SLC15A5: variants seen among roughly 807,000 people sequenced by gnomAD.
SLC15A5 encodes Peptide/histidine transporter ENSP00000340402.
SLC15A5 carries 58 observed loss-of-function variants against 56.1 expected under a neutral mutation model. The observed-to-expected ratio is 1.03, with a 90% confidence interval of 0.84 to 1.29. The LOEUF is 1.29. Ranked by LOEUF, SLC15A5 falls within the 50% of genes most tolerant of loss-of-function variation. The pLI is 0.00. For synonymous variants in SLC15A5, 264 were observed against 250.5 expected, an observed-to-expected ratio of 1.05 and a Z score of -0.51; for missense variants, 681 against 672.1, an observed-to-expected ratio of 1.01 and a Z score of -0.15.
intron 1 of SLC15A5, among the ~76,000 whole-genome samples, chr12:16,275,005 AG>A (rs1864801343): frequency 1.3e-5 from 2 of 152,078 alleles, no homozygotes; most frequent in South Asian, 4.1e-4. Context: ...GTAGCTCTGT[AG>A]AAGCACCATG....
intron 3 of SLC15A5, among the ~76,000 whole-genome samples, chr12:16,247,544 G>C (rs138725603): frequency 1.8e-3 from 271 of 152,266 alleles, no homozygotes; most frequent in African/African-American, 6.4e-3. Context: ...GGGCTGTTAT[G>C]ATAGAGACCC....
At chr12:16,270,163 G>T (rs1864735419) in intron 2 of SLC15A5, among the ~76,000 whole-genome samples, 1 of 152,148 alleles carries the variant, frequency 6.6e-6, no homozygotes, top group Non-Finnish European at 1.5e-5. Flanking sequence ...CCTACATTTG[G>T]CAGCTTTACT....
At position 16,257,744 on chromosome 12, in the gene SLC15A5, A is replaced by C; in HGVS notation, c.711T>G (p.Thr237=). Residue 237 remains threonine, a synonymous_variant, in exon 3 of 9, where the codon ACT becomes ACG. Coordinates refer to ENST00000344941, the MANE Select transcript of SLC15A5 (RefSeq NM_001170798.1). ...TTAGGTTGTAGTATATCATATGAAG[A>C]GTTATCACAGCCATAAGCATAGACA... ...PFMSMLMAVI[T]LHMIYYNLIY... 1 of 1,524,830 alleles carries C rather than the reference A, an allele frequency of 6.6e-7. No homozygotes were observed. The highest frequency in any genetic ancestry group is 2.1e-5 in the Admixed American group (1 of 48,022). The allele number at this position is 1,524,830 out of a possible 1,614,324, so 94.5% of individuals were successfully genotyped here.
At chr12:16,227,955 A>T (rs538475659) in intron 5 of SLC15A5, among the ~76,000 whole-genome samples, 1 of 152,200 alleles carries the variant, frequency 6.6e-6, no homozygotes, top group Non-Finnish European at 1.5e-5. Flanking sequence ...AGAAACATAA[A>T]ATGCATTAGA....
chr12:16,234,378 G>A (rs1864327217), intron 5 of SLC15A5, among the ~76,000 whole-genome samples: 1 of 152,162 alleles, frequency 6.6e-6, no homozygotes, highest in Non-Finnish European at 1.5e-5. Context: ...ATATTTTAGA[G>A]TATTTAAGGA....
chr12:16,249,797 C>G (rs542611745), intron 3 of SLC15A5, among the ~76,000 whole-genome samples: 1 of 151,962 alleles, frequency 6.6e-6, no homozygotes, highest in Non-Finnish European at 1.5e-5. Flanking sequence ...TATATGTATA[C>G]ATATGTATGC....
intron 5 of SLC15A5, among the ~76,000 whole-genome samples, chr12:16,231,052 G>A (rs973316616): frequency 6.6e-6 from 1 of 152,146 alleles, no homozygotes; most frequent in Non-Finnish European, 1.5e-5. Context: ...GTAACTGTGG[G>A]CCAGTCACTT....
In SLC15A5 at chr12:16,271,887, G is replaced by C. The variant is rs1344886189; in HGVS notation, c.584+674C>G. Among the ~76,000 whole-genome samples the C allele has an allele frequency of 6.6e-6, 1 of 152,156 alleles. No homozygotes were observed. The highest frequency in any genetic ancestry group is 1.5e-5 in the Non-Finnish European group (1 of 68,030). On this transcript the variant is annotated intron_variant, in intron 2 of 8. Transcript: ENST00000344941. This position sits in a 1 kb window ranked among gnomAD's most constrained non-coding sequence, Gnocchi z 8.0. The stretch of plus-strand genomic sequence containing the variant: ...CGTTGGGAGAGACAAAGATTCACAG[G>C]AAGGCTGTTTGATTTTCATGGAATA...
chr12:16,259,584 T>C (rs1173088950), intron 2 of SLC15A5, among the ~76,000 whole-genome samples: 1 of 152,208 alleles, frequency 6.6e-6, no homozygotes, highest in Admixed American at 6.5e-5. Flanking sequence ...TTGGGCATCA[T>C]ATACTTGCTA....
At chr12:16,276,758 T>C (rs1864825108) in intron 1 of SLC15A5, among the ~76,000 whole-genome samples, 1 of 152,018 alleles carries the variant, frequency 6.6e-6, no homozygotes, top group Admixed American at 6.6e-5. Context: ...TGCAGATATA[T>C]ATTAGTATAT....
intron 7 of SLC15A5, 91 bp downstream of exon 7, chr12:16,216,802 G>T (rs1400974387): frequency 2.7e-6 from 3 of 1,102,168 alleles, no homozygotes; most frequent in African/African-American, 1.6e-5. Context: ...AAAAAAGACT[G>T]CACTGACAAA....
intron 2 of SLC15A5, among the ~76,000 whole-genome samples, chr12:16,266,524 C>T (rs1311885894): frequency 1.3e-5 from 2 of 152,130 alleles, no homozygotes; most frequent in Non-Finnish European, 2.9e-5. Context: ...TTAACAAATG[C>T]CACCCAACAT....
intron 1 of SLC15A5, among the ~76,000 whole-genome samples, chr12:16,276,312 C>T (rs1214288490): frequency 6.6e-6 from 1 of 152,028 alleles, no homozygotes; most frequent in Admixed American, 6.6e-5. Flanking sequence ...CCATCTCTTT[C>T]TCATCTGTCC....
intron 7 of SLC15A5, among the ~76,000 whole-genome samples, chr12:16,208,293 A>G (rs1359155553): frequency 6.6e-6 from 1 of 152,224 alleles, no homozygotes; most frequent in Non-Finnish European, 1.5e-5. Context: ...CATTAGCTCC[A>G]TAAATTCTCT....
chr12:16,205,863 A>G (rs773940059), intron 7 of SLC15A5, among the ~76,000 whole-genome samples: 13 of 152,034 alleles, frequency 8.6e-5, no homozygotes, highest in Non-Finnish European at 1.3e-4. Context: ...AACTATGAAA[A>G]TCTTAAAATG....
rs141370775 is a variant in SLC15A5 at position 16,204,744 on chromosome 12, T to TA, written c.1484-10292dup. Among the ~76,000 whole-genome samples, 1,359 of 152,220 alleles carry TA rather than the reference T, an allele frequency of 8.9e-3. 13 individuals carry two copies. Among genetic ancestry groups the TA allele is most frequent in the African/African-American group, 0.03 (1,258 of 41,558 alleles). On this transcript the variant is annotated intron_variant, in intron 7 of 8. Transcript: ENST00000344941. ...ACTTACTGTATGGTTGTGAAATATT[T>TA]AAAGTTTAACCAACTTTTCACAACC...
intron 4 of SLC15A5, among the ~76,000 whole-genome samples, chr12:16,242,931 T>G (rs192616636): frequency 6.6e-6 from 1 of 152,238 alleles, no homozygotes; most frequent in Non-Finnish European, 1.5e-5. Flanking sequence ...TGCTGTATTC[T>G]GTTTTTGTGC....
At chr12:16,211,046 T>C (rs190385270) in intron 7 of SLC15A5, among the ~76,000 whole-genome samples, 44 of 152,272 alleles carry the variant, frequency 2.9e-4, no homozygotes, top group African/African-American at 1.0e-3. Context: ...AGTTGACAAG[T>C]AGAGTGTGGG....
intron 7 of SLC15A5, among the ~76,000 whole-genome samples, chr12:16,204,653 C>T (rs1404280293): frequency 1.3e-5 from 2 of 151,766 alleles, no homozygotes; most frequent in African/African-American, 4.8e-5. Flanking sequence ...GGACAGAAAG[C>T]CCTGAAACTG....
Sources: allele counts gnomAD v4.1 joint callset (sites outside exome capture counted in the v4.1 genomes callset), GRCh38; gene constraint gnomAD v4.1.1; non-coding constraint Gnocchi (gnomAD v3.1); transcripts MANE v1.5; gene names NCBI Gene and HGNC (gene_info 2026-07-23, HGNC 2026-07-21).